Variants in TG observed in about 807,000 individuals in gnomAD.
The protein encoded by TG is thyroglobulin.
A neutral mutation model predicts 324.7 loss-of-function variants in TG; 270 were observed. The observed-to-expected ratio is 0.83, with a 90% CI of 0.75 to 0.92. TG has a LOEUF of 0.92. Among genes scored for constraint, TG ranks in the 40% least tolerant of loss-of-function variants. TG has a pLI of 0.00. For synonymous variants in TG, 1,401 were observed against 1,327.0 expected (o/e 1.06, Z -1.21); for missense variants, 3,591 against 3,456.4 (o/e 1.04, Z -0.98).
Position 132,887,567 on chromosome 8 carries a change from C to A in TG, c.2176+19C>A. 1 of 1,614,140 alleles carries A rather than the reference C, an allele frequency of 6.2e-7. No individual in the cohort carries two copies. The highest frequency in any genetic ancestry group is 8.5e-7 in the Non-Finnish European group (1 of 1,180,030). ...AAGAAATGTAAGTCTGTTGGGTATT[C>A]AATCTGTAGGTTCCCTGAGTCTCTC... On this transcript the variant is annotated intron_variant, in intron 9 of 47. Transcript: ENST00000220616.
At chr8:133,111,105 T>C (rs1850213836) in intron 43 of TG, among the ~76,000 whole-genome samples, 1 of 152,218 alleles carries the variant, frequency 6.6e-6, no homozygotes, top group Non-Finnish European at 1.5e-5. Flanking sequence ...CAATGCTCTT[T>C]TCACTGCTCT....
chr8:133,124,805 A>C (rs1281569612), intron 45 of TG, among the ~76,000 whole-genome samples: 3 of 152,222 alleles, frequency 2.0e-5, no homozygotes, highest in Non-Finnish European at 4.4e-5. Context: ...GACTCAAGGC[A>C]TTTTGTACAC....
intron 41 of TG, chr8:133,040,233 C>T (rs1837961499): frequency 7.8e-6 from 10 of 1,289,090 alleles, no homozygotes; most frequent in Non-Finnish European, 1.1e-5. Context: ...TGGCTGCTGC[C>T]ATGGGGAACT....
chr8:132,888,205 G>A lies in TG; in HGVS notation c.2398G>A (p.Ala800Thr). The change falls in exon 10 of 48, where the codon GCC (alanine) becomes ACC (threonine). Residue 800 changes from alanine to threonine, a missense_variant. Transcript: ENST00000220616. ...GAACAAGGGCCAGGATCTGACGCCT[G>A]CCAAGCTGCTAGTGAAGATCATGAG... is the stretch of plus-strand genomic sequence containing the variant. ...AQNKGQDLTPAKLLVKIMSYR... is the reference protein window; with the variant it reads ...AQNKGQDLTPTKLLVKIMSYR... 6.2e-7 allele frequency: 1 copy of A among 1,614,204 alleles called. No homozygotes were observed.
chr8:132,990,842 G>A (rs7845084), intron 35 of TG, among the ~76,000 whole-genome samples: 8 of 151,594 alleles, frequency 5.3e-5, no homozygotes, highest in African/African-American at 1.7e-4. Flanking sequence ...GAGTCTCCCC[G>A]CGAAGATGGT....
chr8:133,130,255 C>T (rs1851838973), intron 45 of TG, among the ~76,000 whole-genome samples: 3 of 152,304 alleles, frequency 2.0e-5, no homozygotes, highest in Admixed American at 1.3e-4. Context: ...AATGCAGCTT[C>T]CTCTGGAGGA....
chr8:132,931,615 T>C (rs569846679), intron 23 of TG, among the ~76,000 whole-genome samples: 1 of 152,132 alleles, frequency 6.6e-6, no homozygotes, highest in Non-Finnish European at 1.5e-5. Flanking sequence ...CTGGTTCTAG[T>C]TCAGCACTTA....
chr8:133,039,124 C>T (rs987653727), intron 41 of TG, among the ~76,000 whole-genome samples: 19 of 152,182 alleles, frequency 1.2e-4, no homozygotes, highest in African/African-American at 3.4e-4. Context: ...GGTGATCTGC[C>T]CACCTCAGCC....
At chr8:132,878,996 G>C (rs1206161334) in intron 5 of TG, among the ~76,000 whole-genome samples, 2 of 152,150 alleles carry the variant, frequency 1.3e-5, no homozygotes, top group African/African-American at 2.4e-5. Flanking sequence ...GGTTGATGTG[G>C]GGCAGGAGAT....
At chr8:133,069,418 C>T (rs1383775276) in intron 41 of TG, among the ~76,000 whole-genome samples, 2 of 152,228 alleles carry the variant, frequency 1.3e-5, no homozygotes, top group African/African-American at 4.8e-5. Flanking sequence ...CTCTACAGCT[C>T]CCAGGCATTT....
chr8:133,076,656 C>T (rs1398842852), intron 41 of TG: 1 of 149,760 alleles, frequency 6.7e-6, no homozygotes, highest in African/African-American at 2.5e-5. Flanking sequence ...AGACACTTAC[C>T]AAGAAAGAAT....
Position 132,906,888 on chromosome 8 carries a change from C to G in TG, c.3835C>G (p.Arg1279Gly), listed in dbSNP as rs368926894. The G allele has an allele frequency of 6.2e-6, 10 of 1,612,102 alleles. No individual in the cohort carries two copies. Among genetic ancestry groups the G allele is most frequent in the South Asian group, 2.2e-5 (2 of 90,728 alleles). Residue 1279 changes from arginine to glycine, a missense_variant, in exon 17 of 48, where the codon CGG becomes GGG. Arg to Gly is a moderately radical substitution (Grantham distance 125, BLOSUM62 -2). Coordinates refer to ENST00000220616, the MANE Select transcript of TG (RefSeq NM_003235.5). ...GRWESQLPQP[R>G]ACQRPQLWQT... ...CTGGGAGTCACAGCTGCCTCAGCCC[C>G]GGGCCTGCCAACGTGAGTGGCATCA...
At position 132,888,250 on chromosome 8, in the gene TG, G is replaced by T. The variant is rs16904774; in HGVS notation, c.2443G>T (p.Gly815Ter). 1.2e-6 allele frequency: 2 copies of T among 1,614,128 alleles called. No homozygotes were observed. Among genetic ancestry groups the T allele is most frequent in the South Asian group, 2.2e-5 (2 of 91,084 alleles). ...CATGAGCTACAGAGAAGCAGCTTCCGGAAACTTCAGTCTCTTTATTCAAAG... is the reference window on the plus strand; with the variant it reads ...CATGAGCTACAGAGAAGCAGCTTCCTGAAACTTCAGTCTCTTTATTCAAAG... ...KIMSYREAAS[G>*]NFSLFIQSLY... The change falls in exon 10 of 48, where the codon GGA becomes TGA. Residue 815 changes from glycine (G) to a stop codon, truncating the protein, a stop_gained. Transcript: ENST00000220616. LOFTEE classifies it high-confidence loss of function.
At position 132,900,265 on chromosome 8, in the gene TG, C is replaced by G; in HGVS notation, c.3359C>G (p.Ser1120Trp). 6.2e-7 allele frequency: 1 copy of G among 1,613,988 alleles called. No homozygotes were observed. The highest frequency in any genetic ancestry group is 8.5e-7 in the Non-Finnish European group (1 of 1,179,976). Residue 1120 changes from serine (S) to tryptophan (W), a missense_variant, in exon 15 of 48, where the codon TCG (serine) becomes TGG (tryptophan). Coordinates refer to ENST00000220616, the MANE Select transcript of TG (RefSeq NM_003235.5). ...ETGEYARLQA[S>W]GAGTWCVDPA... is the part of the protein sequence containing the mutation. ...GGAGAGTATGCCAGGCTGCAGGCAT[C>G]GGGGGCTGGCACCTGGTGTGTGGAC...
chr8:132,900,641 G>A (rs1451363865), intron 15 of TG, among the ~76,000 whole-genome samples: 1 of 152,242 alleles, frequency 6.6e-6, no homozygotes, highest in Non-Finnish European at 1.5e-5. Flanking sequence ...CTGGCCGGAT[G>A]TGTGGCCCTG....
chr8:133,115,923 T>C (rs1850644588), intron 44 of TG, among the ~76,000 whole-genome samples: 1 of 152,224 alleles, frequency 6.6e-6, no homozygotes, highest in Non-Finnish European at 1.5e-5. Flanking sequence ...CTTCCTCATC[T>C]GGACATTTTG....
At chr8:132,890,476 GACCCC>G (rs1816075421) in intron 10 of TG, among the ~76,000 whole-genome samples, 1 of 152,126 alleles carries the variant, frequency 6.6e-6, no homozygotes, top group South Asian at 2.1e-4. Flanking sequence ...CAGTATCTCA[GACCCC>G]ACCTATTGAA....
At chr8:132,906,625 G>C (rs1587348770) in intron 16 of TG, 63 bp from the exon 17 acceptor site, 2 of 1,587,418 alleles carry the variant, frequency 1.3e-6, no homozygotes, top group African/African-American at 2.7e-5. Context: ...CCCACAAGCA[G>C]GCATGCTCAG....
chr8:133,096,579 T>C (rs1848447358), intron 43 of TG, among the ~76,000 whole-genome samples: 1 of 152,158 alleles, frequency 6.6e-6, no homozygotes, highest in African/African-American at 2.4e-5. Flanking sequence ...ATCCACAAAT[T>C]ACAGCTGTGA....
Sources: gnomAD v4.1 joint callset for allele counts (sites outside exome capture counted in the v4.1 genomes callset) on GRCh38, gnomAD v4.1.1 for gene constraint, MANE v1.5 for transcripts, NCBI Gene and HGNC (gene_info 2026-07-23, HGNC 2026-07-21) for gene names.